Variants in MITF observed in about 807,000 individuals in gnomAD.
MITF encodes microphthalmia-associated transcription factor.
In MITF, 17 loss-of-function variants were observed where a neutral mutation model predicts 60.5. The observed-to-expected ratio is 0.28, with a 90% CI of 0.19 to 0.42. The LOEUF (loss-of-function observed/expected upper bound fraction) is 0.42, where lower values mean the gene tolerates loss of function less well. MITF is among the 10% of genes least tolerant of loss of function. The pLI is 1.00. For missense variants in MITF, 622 were observed against 683.5 expected (o/e 0.91, Z 1.00); for synonymous variants, 260 against 248.5 (o/e 1.05, Z -0.43).
intron 1 of MITF, among the ~76,000 whole-genome samples, chr3:69,828,513 T>A (rs1336610048): frequency 6.6e-6 from 1 of 152,010 alleles, no homozygotes; most frequent in Admixed American, 6.6e-5. Flanking sequence ...TAATAGCTTT[T>A]AAAAAATTCA....
chr3:69,924,267 C>A (rs2065535562), intron 2 of MITF, among the ~76,000 whole-genome samples: 1 of 152,186 alleles, frequency 6.6e-6, no homozygotes, highest in South Asian at 2.1e-4. Context: ...TCACAGGAAT[C>A]CTCCTGAATC....
In MITF at chr3:69,921,794, G is replaced by A. The variant is rs905008766; in HGVS notation, c.355-16028G>A. 1.3e-5 allele frequency among the ~76,000 whole-genome samples: 2 copies of A among 152,156 alleles called. 1 individual carries two copies. The highest frequency in any genetic ancestry group is 1.3e-4 in the Admixed American group (2 of 15,268). On this transcript the variant is annotated intron_variant, in intron 2 of 9. Transcript: ENST00000352241. The stretch of plus-strand genomic sequence containing the variant: ...TCTGCCACTGAAAGGAGTCGGGAAG[G>A]AAATTGGCACAGCCTCTTCTAGGAT...
chr3:69,898,233 TA>T (rs1454414013), intron 2 of MITF, among the ~76,000 whole-genome samples: 4 of 152,188 alleles, frequency 2.6e-5, no homozygotes, highest in African/African-American at 9.6e-5. Flanking sequence ...GAGTGAACTT[TA>T]GTTTAAAAGG....
intron 1 of MITF, among the ~76,000 whole-genome samples, chr3:69,781,145 G>A (rs1042917392): frequency 6.6e-6 from 1 of 151,904 alleles, no homozygotes. Flanking sequence ...TCCTTTGGAA[G>A]CATAATTCAT....
intron 1 of MITF, among the ~76,000 whole-genome samples, chr3:69,751,577 T>C (rs555867749): frequency 6.8e-6 from 1 of 146,772 alleles, no homozygotes; most frequent in Non-Finnish European, 1.5e-5. Context: ...TTTTTTGGCA[T>C]GTTGACATTC....
chr3:69,953,995 A>T (rs1020296550), intron 7 of MITF, among the ~76,000 whole-genome samples: 1 of 152,200 alleles, frequency 6.6e-6, no homozygotes, highest in African/African-American at 2.4e-5. Context: ...TTGCCCAGGC[A>T]TATAGATGTT....
chr3:69,832,706 A>G (rs1162376651), intron 1 of MITF, among the ~76,000 whole-genome samples: 6 of 152,156 alleles, frequency 3.9e-5, no homozygotes, highest in East Asian at 1.9e-4. Flanking sequence ...TTGCCTCGTT[A>G]CACCATATAT....
In MITF at chr3:69,828,945, AGT is replaced by A. The variant is rs3044611; in HGVS notation, c.105-50166_105-50165del. 9.1e-3 allele frequency among the ~76,000 whole-genome samples: 1,364 copies of A among 149,944 alleles called. 17 individuals are homozygous for A. Among genetic ancestry groups the A allele is most frequent in the African/African-American group, 0.031 (1,271 of 40,722 alleles). On this transcript the variant is annotated intron_variant, in intron 1 of 9. Transcript: ENST00000352241. ...GAATTGAATACTGGAATATCGTGTG[AGT>A]GTGTGTGTGTGTGTGTGTGTGTTTT...
At chr3:69,763,936 CAAG>C (rs1480762122) in intron 1 of MITF, 1 of 1,361,690 alleles carries the variant, frequency 7.3e-7, no homozygotes, top group Non-Finnish European at 9.8e-7. Context: ...TGCCTGTTTT[CAAG>C]AAGGTAATAC....
chr3:69,823,828 C>G (rs1313105391), intron 1 of MITF, among the ~76,000 whole-genome samples: 2 of 152,156 alleles, frequency 1.3e-5, no homozygotes, highest in African/African-American at 4.8e-5. Flanking sequence ...ATCCTGCTCT[C>G]CTAAGCATAC....
At chr3:69,912,304 T>C (rs952318925) in intron 2 of MITF, among the ~76,000 whole-genome samples, 1 of 152,194 alleles carries the variant, frequency 6.6e-6, no homozygotes, top group African/African-American at 2.4e-5. Context: ...GGGCTTATTG[T>C]TGTCTTCAAT....
chr3:69,952,238 G>A (rs1030110843), intron 7 of MITF, among the ~76,000 whole-genome samples: 2 of 151,796 alleles, frequency 1.3e-5, no homozygotes, highest in African/African-American at 4.8e-5. Flanking sequence ...TAACAAAAGG[G>A]GATTAGGGAA....
chr3:69,876,226 A>G (rs1410872860), intron 1 of MITF, among the ~76,000 whole-genome samples: 1 of 152,198 alleles, frequency 6.6e-6, no homozygotes, highest in Non-Finnish European at 1.5e-5. Context: ...CCCCAGTATC[A>G]CAGCCAATGA....
intron 1 of MITF, among the ~76,000 whole-genome samples, chr3:69,865,373 A>C (rs1226694937): frequency 6.6e-6 from 1 of 152,204 alleles, no homozygotes. Context: ...GTGTAGGGAG[A>C]AACATACATA....
At chr3:69,846,175 A>C (rs2063729971) in intron 1 of MITF, among the ~76,000 whole-genome samples, 1 of 41,740 alleles carries the variant, frequency 2.4e-5, no homozygotes, top group African/African-American at 5.3e-5. Flanking sequence ...TAATTGAGAG[A>C]TCTAAATTAA....
chr3:69,880,177 A>C (rs2064454133), intron 2 of MITF, among the ~76,000 whole-genome samples: 1 of 152,148 alleles, frequency 6.6e-6, no homozygotes, highest in Non-Finnish European at 1.5e-5. Flanking sequence ...TGCTCACCTA[A>C]TTCTGAAAAG....
At chr3:69,840,410 T>C (rs903074591) in intron 1 of MITF, among the ~76,000 whole-genome samples, 1 of 152,138 alleles carries the variant, frequency 6.6e-6, no homozygotes, top group Non-Finnish European at 1.5e-5. Context: ...AAGGCTCAGC[T>C]ACCATCCAGA....
chr3:69,859,251 C>G (rs2107205279), intron 1 of MITF, among the ~76,000 whole-genome samples: 1 of 152,290 alleles, frequency 6.6e-6, no homozygotes, highest in East Asian at 1.9e-4. Context: ...GCCCTGGATC[C>G]TTACCACATC....
chr3:69,908,440 C>T (rs1179324067), intron 2 of MITF, among the ~76,000 whole-genome samples: 2 of 151,996 alleles, frequency 1.3e-5, no homozygotes, highest in Non-Finnish European at 2.9e-5. Context: ...TACACCAGCC[C>T]CATTTTTTAA....
Sources: gnomAD v4.1 joint callset for allele counts (sites outside exome capture counted in the v4.1 genomes callset) on GRCh38, gnomAD v4.1.1 for gene constraint, MANE v1.5 for transcripts, NCBI Gene and HGNC (gene_info 2026-07-23, HGNC 2026-07-21) for gene names.